The following KCNH8 variants were observed in gnomAD, a reference collection of about 807,000 sequenced individuals.
KCNH8 encodes the protein voltage-gated delayed rectifier potassium channel KCNH8.
In KCNH8, 70 loss-of-function variants were observed where a neutral mutation model predicts 103.6. The observed-to-expected ratio is 0.68, with a 90% CI of 0.56 to 0.82. KCNH8 has a LOEUF of 0.82. KCNH8 is among the 40% of genes least tolerant of loss of function. The pLI is 0.00. For synonymous variants in KCNH8, 498 were observed against 489.4 expected (o/e 1.02, Z -0.23); for missense variants, 1,217 against 1,329.9 (o/e 0.92, Z 1.32).
intron 1 of KCNH8, among the ~76,000 whole-genome samples, chr3:19,249,565 G>T (rs145634517): frequency 6.6e-6 from 1 of 152,266 alleles, no homozygotes; most frequent in Non-Finnish European, 1.5e-5. Context: ...GAATCCTTCA[G>T]CATCTTTTGT....
At chr3:19,226,899 C>A (rs1397303885) in intron 1 of KCNH8, among the ~76,000 whole-genome samples, 1 of 152,180 alleles carries the variant, frequency 6.6e-6, no homozygotes, top group Non-Finnish European at 1.5e-5. Flanking sequence ...GTATACAATT[C>A]TGCAGATCCA....
rs531135993 is a variant in KCNH8, at chr3:19,290,193, C to T, written c.442+8864C>T. On this transcript the variant is annotated intron_variant, in intron 3 of 15. Coordinates refer to ENST00000328405, the MANE Select transcript of KCNH8 (RefSeq NM_144633.3). ...GATATACAATCATGTCATCTAAAAA[C>T]AGGGACAATTTGACTCCCTTTTTCC... is the stretch of plus-strand genomic sequence containing the variant. Among the ~76,000 whole-genome samples the T allele has an allele frequency of 3.3e-5, 5 of 152,278 alleles. No individual in the cohort carries two copies. In the South Asian group the frequency reaches 1.0e-3, roughly 32 times the overall value.
intron 4 of KCNH8, among the ~76,000 whole-genome samples, chr3:19,343,089 C>A (rs2065683066): frequency 6.6e-6 from 1 of 151,978 alleles, no homozygotes; most frequent in Non-Finnish European, 1.5e-5. Context: ...ATTTTAGTTC[C>A]ATCTGTTTTG....
intron 1 of KCNH8, among the ~76,000 whole-genome samples, chr3:19,233,140 A>T (rs2064017304): frequency 7.6e-6 from 1 of 131,968 alleles, no homozygotes; most frequent in Non-Finnish European, 1.5e-5. Context: ...TTAATTCTTG[A>T]TACTGTTGAA....
intron 3 of KCNH8, among the ~76,000 whole-genome samples, chr3:19,283,627 G>T (rs1389181812): frequency 2.0e-5 from 3 of 151,884 alleles, no homozygotes; most frequent in Non-Finnish European, 4.4e-5. Flanking sequence ...AGTAACTGTT[G>T]TAAGTCACTA....
chr3:19,441,131 T>A (rs1264284403), intron 8 of KCNH8, among the ~76,000 whole-genome samples: 1 of 152,130 alleles, frequency 6.6e-6, no homozygotes, highest in Non-Finnish European at 1.5e-5. Context: ...CAGCCTTCAT[T>A]CTCAGAACCA....
At chr3:19,430,486 G>T (rs1409759155) in intron 7 of KCNH8, among the ~76,000 whole-genome samples, 1 of 151,818 alleles carries the variant, frequency 6.6e-6, no homozygotes, top group Admixed American at 6.6e-5. Context: ...GGTTCCATAT[G>T]AATTTAAAAA....
chr3:19,232,868 T>C (rs1158524197), intron 1 of KCNH8, among the ~76,000 whole-genome samples: 2 of 152,218 alleles, frequency 1.3e-5, no homozygotes, highest in Middle Eastern at 6.3e-3. Context: ...AGAATACTAT[T>C]CATGCTGTTG....
intron 1 of KCNH8, among the ~76,000 whole-genome samples, chr3:19,157,646 G>T (rs1319210893): frequency 1.3e-5 from 2 of 151,936 alleles, no homozygotes; most frequent in African/African-American, 2.4e-5. Context: ...CACTTGAATT[G>T]TTTTCAAATT....
At position 19,417,228 on chromosome 3, in the gene KCNH8, G is replaced by GTA. The variant is rs1483281942; in HGVS notation, c.1178-20922_1178-20921dup. Among the ~76,000 whole-genome samples, 90 of 147,724 alleles carry GTA rather than the reference G, an allele frequency of 6.1e-4. 1 individual carries two copies. The highest frequency in any genetic ancestry group is 3.0e-3 in the Admixed American group (44 of 14,726). ...TATATTCATATATGTATATGTGTGT[G>GTA]TATATATATATATATTTCCAGTATT... is the stretch of plus-strand genomic sequence containing the variant. On this transcript the variant is annotated intron_variant, in intron 7 of 15. Transcript: ENST00000328405.
chr3:19,518,900 T>A (rs1403363167), intron 15 of KCNH8, among the ~76,000 whole-genome samples: 1 of 151,958 alleles, frequency 6.6e-6, no homozygotes, highest in Admixed American at 6.6e-5. Context: ...TAAAACAAGT[T>A]CTGAGACTAT....
intron 2 of KCNH8, among the ~76,000 whole-genome samples, chr3:19,258,945 CTCTATA>C (rs1264931242): frequency 0.014 from 608 of 42,164 alleles, 1 homozygote; most frequent in Middle Eastern, 0.028. Flanking sequence ...CTCTCTCTCT[CTCTATA>C]TATATATATA....
chr3:19,328,695 A>C (rs1168475690), intron 3 of KCNH8, among the ~76,000 whole-genome samples: 2 of 152,198 alleles, frequency 1.3e-5, no homozygotes, highest in African/African-American at 4.8e-5. Context: ...GAAAAGAAAA[A>C]ATTGAGAAAA....
rs538140199 is a variant in KCNH8, at chr3:19,242,984, G to A, written c.77-10670G>A. Among the ~76,000 whole-genome samples, 471 of 152,270 alleles carry A rather than the reference G, an allele frequency of 3.1e-3. 2 individuals carry two copies. The highest frequency in any genetic ancestry group is 6.8e-3 in the Middle Eastern group (2 of 294). On this transcript the variant is annotated intron_variant, in intron 1 of 15. Transcript: ENST00000328405. Reference sequence around the variant, plus strand: ...CAGGAGTATTACAGCTCTAAGGATGGTTTAACTTGCTGTTTAGCATTGTTA... The same window carrying A: ...CAGGAGTATTACAGCTCTAAGGATGATTTAACTTGCTGTTTAGCATTGTTA...
rs367823809 is a variant in KCNH8 at position 19,533,864 on chromosome 3, T to C, written c.3089T>C (p.Leu1030Pro). The change falls in exon 16 of 16, where the codon CTC (leucine) becomes CCC (proline). Residue 1030 changes from leucine to proline, a missense_variant. Transcript: ENST00000328405. Reference protein sequence around the residue: ...LTPLQSISATLSSSVCSSSET... With the variant: ...LTPLQSISATPSSSVCSSSET... ...CCTCTGCAGTCCATTTCAGCAACTC[T>C]CTCATCTTCTGTCTGCTCCTCTTCG... 2 of 1,614,156 alleles carry C rather than the reference T, an allele frequency of 1.2e-6. No homozygotes were observed. Among genetic ancestry groups the C allele is most frequent in the Middle Eastern group, 1.6e-4 (1 of 6,062 alleles).
intron 5 of KCNH8, among the ~76,000 whole-genome samples, chr3:19,376,541 GCAGAAATCA>G (rs1440123409): frequency 2.0e-5 from 3 of 152,164 alleles, no homozygotes; most frequent in African/African-American, 7.2e-5. Flanking sequence ...AGATGGAAAT[GCAGAAATCA>G]CCCGTCTTCT....
At chr3:19,463,656 C>T (rs1373628545) in intron 11 of KCNH8, among the ~76,000 whole-genome samples, 2 of 152,096 alleles carry the variant, frequency 1.3e-5, no homozygotes, top group Non-Finnish European at 2.9e-5. Context: ...AGAATATAGT[C>T]TTGTGTATCC....
intron 1 of KCNH8, among the ~76,000 whole-genome samples, chr3:19,155,158 T>G (rs550244019): frequency 8.5e-5 from 13 of 152,324 alleles, no homozygotes; most frequent in Non-Finnish European, 1.6e-4. Context: ...TAATAATCTT[T>G]TCTAGCCTTT....
At chr3:19,468,078 CCT>C (rs1378501335) in intron 11 of KCNH8, among the ~76,000 whole-genome samples, 1 of 152,162 alleles carries the variant, frequency 6.6e-6, no homozygotes, top group Non-Finnish European at 1.5e-5. Context: ...TCCCAGTTAT[CCT>C]CTGTTATATC....
Sources: allele counts gnomAD v4.1 joint callset (sites outside exome capture counted in the v4.1 genomes callset), GRCh38; gene constraint gnomAD v4.1.1; transcripts MANE v1.5; gene names NCBI Gene and HGNC (gene_info 2026-07-23, HGNC 2026-07-21).